TRPM4: variants seen among roughly 807,000 people sequenced by gnomAD.
The protein encoded by TRPM4 is transient receptor potential cation channel subfamily M member 4, also known as calcium-activated non-selective cation channel 1.
A neutral mutation model predicts 135.6 loss-of-function variants in TRPM4; 124 were observed. The ratio of observed to expected loss-of-function variants is 0.91; its 90% confidence interval spans 0.79 to 1.06. TRPM4 has a LOEUF of 1.06. Among genes scored for constraint, TRPM4 ranks in the 50% least tolerant of loss-of-function variants. The pLI, the probability that TRPM4 is intolerant of heterozygous loss-of-function variation, is 0.00. For synonymous variants in TRPM4, 745 were observed against 705.6 expected (o/e 1.06, Z -0.88); for missense variants, 1,658 against 1,671.4 (o/e 0.99, Z 0.14).
rs760136632 is a variant in TRPM4, at chr19:49,171,706, C to T, written c.987C>T (p.Gly329=). 25 of 1,613,854 alleles carry T rather than the reference C, an allele frequency of 1.5e-5. No individual in the cohort carries two copies. The highest frequency in any genetic ancestry group is 6.7e-5 in the African/African-American group (5 of 75,012). ...CAGGGAGTGGGGGAGCCAGGCAAGG[C>T]GAAGCCCGAGATCGAATCAGGCGTT... ...LAPGSGGARQ[G]EARDRIRRFF... Residue 329 remains glycine, a synonymous_variant, in exon 8 of 25, where the codon GGC becomes GGT. Coordinates refer to ENST00000252826, the MANE Select transcript of TRPM4 (RefSeq NM_017636.4). This position sits in a 1 kb window ranked among gnomAD's most constrained non-coding sequence, Gnocchi z 4.7.
At chr19:49,198,124 T>A (rs1157891687) in intron 17 of TRPM4, among the ~76,000 whole-genome samples, 1 of 152,124 alleles carries the variant, frequency 6.6e-6, no homozygotes, top group African/African-American at 2.4e-5. Flanking sequence ...GTTAGCAGTG[T>A]TACAAAGTGA....
At chr19:49,160,125 T>C (rs1021450896) in intron 2 of TRPM4, among the ~76,000 whole-genome samples, 27 of 152,258 alleles carry the variant, frequency 1.8e-4, no homozygotes, top group Non-Finnish European at 5.9e-5. Context: ...AAAATGTCAC[T>C]AATGGTTTCT....
chr19:49,201,138 G>A (rs1423488870), intron 19 of TRPM4, among the ~76,000 whole-genome samples: 1 of 151,740 alleles, frequency 6.6e-6, no homozygotes, highest in Non-Finnish European at 1.5e-5. Flanking sequence ...ACACTCGCCA[G>A]CAGTTTTGTC....
rs35727661 is a variant in TRPM4, at chr19:49,181,530, C to CTTTT, written c.1263+87_1263+90dup. 4.1e-3 allele frequency: 2,099 copies of CTTTT among 516,860 alleles called. 41 individuals are homozygous for CTTTT. The highest frequency in any genetic ancestry group is 0.027 in the African/African-American group (971 of 36,058). 32.0% of individuals were successfully genotyped at this position (516,860 alleles called of 1,614,324 possible). A position where few individuals can be genotyped will look rare whatever the true frequency, so the allele number is the denominator to read the frequency against. The stretch of plus-strand genomic sequence containing the variant: ...CTGTGCTGTCCTCCCTCTCTGCCTT[C>CTTTT]TTTTTTTTTTTTTTTTTTTTTGACG... On this transcript the variant is annotated intron_variant, in intron 10 of 24. Coordinates refer to ENST00000252826, the MANE Select transcript of TRPM4 (RefSeq NM_017636.4).
chr19:49,168,648 C>T lies in TRPM4; in HGVS notation c.708C>T (p.Asp236=), dbSNP rs760478666. 7.4e-6 allele frequency: 12 copies of T among 1,613,270 alleles called. No homozygotes were observed. The highest frequency in any genetic ancestry group is 1.6e-4 in the Middle Eastern group (1 of 6,084). Reference sequence around the variant, plus strand: ...ACTACTCGGCCTTCTTCCTGGTGGACGACGGCACACACGGCTGCCTGGGGG... The same window carrying T: ...ACTACTCGGCCTTCTTCCTGGTGGATGACGGCACACACGGCTGCCTGGGGG... ...DYNYSAFFLV[D]DGTHGCLGGE... is the part of the protein sequence containing the mutation. Residue 236 remains aspartate (D), a synonymous_variant, in exon 6 of 25, where the codon GAC becomes GAT. Transcript: ENST00000252826.
chr19:49,194,288 T>C (rs1470929381), intron 16 of TRPM4, among the ~76,000 whole-genome samples: 1 of 152,156 alleles, frequency 6.6e-6, no homozygotes, highest in Non-Finnish European at 1.5e-5. Context: ...AGGATCTTGA[T>C]CTGTCACTCA....
chr19:49,204,283 A>G (rs978478654), intron 20 of TRPM4, among the ~76,000 whole-genome samples: 1 of 152,214 alleles, frequency 6.6e-6, no homozygotes, highest in African/African-American at 2.4e-5. Context: ...TCAAAGTGGA[A>G]TTCCTCGGTC....
At chr19:49,174,917 T>G (rs1448687820) in intron 9 of TRPM4, among the ~76,000 whole-genome samples, 1 of 151,462 alleles carries the variant, frequency 6.6e-6, no homozygotes, top group African/African-American at 2.4e-5. Flanking sequence ...TTTCTTTTTT[T>G]TTTTGAGATA....
At chr19:49,206,033 T>G (rs1045468294) in intron 20 of TRPM4, among the ~76,000 whole-genome samples, 1 of 152,180 alleles carries the variant, frequency 6.6e-6, no homozygotes, top group African/African-American at 2.4e-5. Flanking sequence ...CGATCTCTGC[T>G]CACTGCAACA....
chr19:49,209,617 A>T (rs1969273207), intron 20 of TRPM4, among the ~76,000 whole-genome samples: 1 of 151,586 alleles, frequency 6.6e-6, no homozygotes, highest in Non-Finnish European at 1.5e-5. Flanking sequence ...TTCATTTCTG[A>T]TGTTAGTTAT....
At chr19:49,160,263 G>A (rs192548384) in intron 2 of TRPM4, among the ~76,000 whole-genome samples, 6 of 152,162 alleles carry the variant, frequency 3.9e-5, no homozygotes, top group Non-Finnish European at 5.9e-5. Flanking sequence ...GGCCGAGGCG[G>A]GTGGATCACC....
chr19:49,167,880 C>T (rs1233132072), intron 3 of TRPM4, 37 bp from the exon 4 acceptor site: 2 of 1,598,712 alleles, frequency 1.3e-6, no homozygotes, highest in Admixed American at 1.7e-5. Flanking sequence ...GGGTCTCTGT[C>T]CCCCTCCCTG....
At chr19:49,182,947 GC>G (rs547692777) in intron 11 of TRPM4, 25 bp downstream of exon 11, 32 of 1,577,836 alleles carry the variant, frequency 2.0e-5, no homozygotes, top group African/African-American at 8.1e-5. Context: ...AAGCTGGGGG[GC>G]CCCCCCGCGC....
At position 49,210,494 on chromosome 19, in the gene TRPM4, AC is replaced by A. The variant is rs1276567125; in HGVS notation, c.3328+90del. The A allele has an allele frequency of 6.6e-7, 1 of 1,517,760 alleles. No individual in the cohort carries two copies. The highest frequency in any genetic ancestry group is 9.0e-7 in the Non-Finnish European group (1 of 1,111,954). The allele number at this position is 1,517,760 out of a possible 1,614,324, so 94.0% of individuals were successfully genotyped here. On this transcript the variant is annotated intron_variant, in intron 21 of 24. Transcript: ENST00000252826. This position sits in a 1 kb window ranked among gnomAD's most constrained non-coding sequence, Gnocchi z 4.1. ...GAAGGGGGCATGCCCCAAATGACTA[AC>A]GGGCGTGGCTTAGGTAGCGAGGGGC...
intron 12 of TRPM4, among the ~76,000 whole-genome samples, chr19:49,184,446 T>C (rs954056009): frequency 1.4e-5 from 2 of 143,796 alleles, no homozygotes; most frequent in African/African-American, 5.2e-5. Context: ...TTTCTGTCTC[T>C]GTAGTCTTTT....
chr19:49,188,535 C>A, intron 12 of TRPM4, 106 bp from the exon 13 acceptor site: 1 of 1,504,964 alleles, frequency 6.6e-7, no homozygotes, highest in Non-Finnish European at 9.2e-7. Flanking sequence ...CCTCTGATGA[C>A]CCCAGTTAGT....
intron 9 of TRPM4, among the ~76,000 whole-genome samples, chr19:49,180,537 G>C (rs560430579): frequency 6.6e-6 from 1 of 151,126 alleles, no homozygotes; most frequent in Non-Finnish European, 1.5e-5. Flanking sequence ...TCGCACCTTA[G>C]GGGCATACCT....
chr19:49,205,484 T>TAAAAAGGTCTCATTCTGAG (rs1568493874), intron 20 of TRPM4, among the ~76,000 whole-genome samples: 2 of 151,644 alleles, frequency 1.3e-5, no homozygotes, highest in African/African-American at 2.4e-5. Context: ...ATAAAAAATT[T>TAAAAAGGTCTCATTCTGAG]AAAAAGGTCT....
rs1194609798 is a variant in TRPM4 at position 49,210,320 on chromosome 19, C to T, written c.3243C>T (p.Val1081=). 3 of 1,614,110 alleles carry T rather than the reference C, an allele frequency of 1.9e-6. No individual in the cohort carries two copies. Among genetic ancestry groups the T allele is most frequent in the African/African-American group, 1.3e-5 (1 of 74,954 alleles). ...CCGCGCTGGCCCCGCCCTTTATCGT[C>T]ATCTCCCACTTGCGCCTCCTGCTCA... ...SRPALAPPFI[V]ISHLRLLLRQ... is the part of the protein sequence containing the mutation. The change falls in exon 21 of 25, where the codon GTC becomes GTT. Residue 1081 remains valine (V), a synonymous_variant. Coordinates refer to ENST00000252826, the MANE Select transcript of TRPM4 (RefSeq NM_017636.4). The surrounding 1 kb of genome is among the most constrained non-coding windows in gnomAD (Gnocchi z 4.1).
Sources: gnomAD v4.1 joint callset for allele counts (sites outside exome capture counted in the v4.1 genomes callset) on GRCh38, gnomAD v4.1.1 for gene constraint, Gnocchi (gnomAD v3.1) non-coding constraint, MANE v1.5 for transcripts, NCBI Gene and HGNC (gene_info 2026-07-23, HGNC 2026-07-21) for gene names.